The following F5 variants were observed in gnomAD, a reference collection of about 807,000 sequenced individuals.
F5 encodes activated protein c cofactor.
In F5, 138 loss-of-function variants were observed where a neutral mutation model predicts 216.4. The observed-to-expected ratio is 0.64, with a 90% CI of 0.56 to 0.73. F5 has a LOEUF of 0.73. Ranked by LOEUF, F5 falls within the 30% of genes least tolerant of loss-of-function variation. The pLI is 0.00. For missense variants in F5, 2,403 were observed against 2,674.0 expected (o/e 0.90, Z 2.24); for synonymous variants, 916 against 930.7 (o/e 0.98, Z 0.29).
chr1:169,525,736 C>G (rs1185445117), intron 18 of F5, among the ~76,000 whole-genome samples, 165 bp downstream of exon 18: 2 of 152,140 alleles, frequency 1.3e-5, no homozygotes, highest in Admixed American at 6.6e-5. Flanking sequence ...GATGTGTTTT[C>G]AATGCAATCA....
chr1:169,518,677 A>C, intron 22 of F5, 114 bp from the exon 23 acceptor site: 1 of 1,149,888 alleles, frequency 8.7e-7, no homozygotes. Flanking sequence ...AAAAACAATA[A>C]CCACAACAAT....
intron 3 of F5, among the ~76,000 whole-genome samples, chr1:169,565,999 A>G (rs1291669883): frequency 6.6e-6 from 1 of 152,148 alleles, no homozygotes; most frequent in East Asian, 1.9e-4. Context: ...AAGTTTATGG[A>G]GAAAGTCTCC....
intron 2 of F5, 46 bp from the exon 3 acceptor site, chr1:169,572,389 A>G: frequency 6.2e-7 from 1 of 1,609,570 alleles, no homozygotes; most frequent in Non-Finnish European, 8.5e-7. Context: ...AGGGTCATCA[A>G]AGGCAGAGTT....
chr1:169,527,616 A>T (rs543742291), intron 17 of F5, among the ~76,000 whole-genome samples: 4 of 152,266 alleles, frequency 2.6e-5, no homozygotes, highest in Non-Finnish European at 5.9e-5. Flanking sequence ...TCATTTTTTC[A>T]TCTGCTTAAG....
Position 169,560,555 on chromosome 1 carries a change from T to G in F5, c.585A>C (p.Lys195Asn). The G allele has an allele frequency of 1.2e-6, 2 of 1,613,328 alleles. No homozygotes were observed. Among genetic ancestry groups the G allele is most frequent in the African/African-American group, 1.3e-5 (1 of 74,950 alleles). Residue 195 changes from lysine to asparagine, a missense_variant and splice_region_variant, in exon 4 of 25, where the codon AAA becomes AAC. Lys to Asn is a moderately conservative substitution (Grantham distance 94). Coordinates refer to ENST00000367797, the MANE Select transcript of F5 (RefSeq NM_000130.5). ...GLIGPLLICK[K>N]GTLTEGGTQK... ...ATCTTTTGGTGGGGGTGTTCTTACC[T>G]TTTTTACAGATAAGCAGGGGCCCAA...
intron 3 of F5, 41 bp from the exon 4 acceptor site, chr1:169,560,807 G>C (rs1404124439): frequency 6.3e-7 from 1 of 1,594,238 alleles, no homozygotes; most frequent in Non-Finnish European, 8.6e-7. Flanking sequence ...GGCAGTTTCT[G>C]AGGATTGCGT....
Position 169,546,494 on chromosome 1 carries a change from A to C in F5, c.1710T>G (p.Pro570=), listed in dbSNP as rs1660004775. 3 of 1,614,172 alleles carry C rather than the reference A, an allele frequency of 1.9e-6. No individual in the cohort carries two copies. Among genetic ancestry groups the C allele is most frequent in the Non-Finnish European group, 1.7e-6 (2 of 1,180,002 alleles). ...EDNINKFCEN[P]DEVKRDDPKF... The stretch of plus-strand genomic sequence containing the variant: ...TGGGGTCATCACGTTTCACCTCATC[A>C]GGATTTTCACAAAACTTGTTGATGT... The change falls in exon 11 of 25, where the codon CCT becomes CCG. Residue 570 remains proline, a synonymous_variant. Transcript: ENST00000367797.
chr1:169,519,802 C>T (rs181531736), intron 22 of F5, among the ~76,000 whole-genome samples: 6 of 152,266 alleles, frequency 3.9e-5, no homozygotes, highest in African/African-American at 1.4e-4. Flanking sequence ...ATTCTTTTAC[C>T]TCAGAATGCC....
chr1:169,571,671 G>A lies in F5; in HGVS notation c.373+550C>T, dbSNP rs538441128. Among the ~76,000 whole-genome samples the A allele has an allele frequency of 2.6e-5, 4 of 152,148 alleles. No homozygotes were observed. In the East Asian group the frequency reaches 7.7e-4, roughly 29 times the overall value. Reference sequence around the variant, plus strand: ...CAAACCCAACCAATTTCCTGTTTTTGTAAATAAAATTGTATTGTCAGAGGC... The same window carrying A: ...CAAACCCAACCAATTTCCTGTTTTTATAAATAAAATTGTATTGTCAGAGGC... On this transcript the variant is annotated intron_variant, in intron 3 of 24. Coordinates refer to ENST00000367797, the MANE Select transcript of F5 (RefSeq NM_000130.5).
intron 10 of F5, among the ~76,000 whole-genome samples, chr1:169,548,968 T>G (rs1240068855): frequency 6.6e-6 from 1 of 152,022 alleles, no homozygotes; most frequent in Non-Finnish European, 1.5e-5. Flanking sequence ...CCTTTCAACA[T>G]GAATGATTGA....
chr1:169,547,201 C>T (rs1209200237), intron 10 of F5, among the ~76,000 whole-genome samples: 2 of 151,786 alleles, frequency 1.3e-5, no homozygotes, highest in Non-Finnish European at 1.5e-5. Context: ...AAAACAACAA[C>T]AACACACTTA....
chr1:169,532,643 C>A (rs1317135751), intron 14 of F5, among the ~76,000 whole-genome samples: 2 of 152,016 alleles, frequency 1.3e-5, no homozygotes, highest in African/African-American at 4.8e-5. Context: ...CACACACATA[C>A]AAAATACCTA....
rs1659135459 is a variant in F5 at position 169,515,438 on chromosome 1, C to G, written c.6528+6G>C. 6.2e-7 allele frequency: 1 copy of G among 1,612,892 alleles called. No individual in the cohort carries two copies. The highest frequency in any genetic ancestry group is 1.7e-5 in the Admixed American group (1 of 59,962). Reference sequence around the variant, plus strand: ...TTGCTTTCTCTTTGCCCAGATGCCACTCTACCTTGTCCACCATGGAGGATT... The same window carrying G: ...TTGCTTTCTCTTTGCCCAGATGCCAGTCTACCTTGTCCACCATGGAGGATT... On this transcript the variant is annotated splice_donor_region_variant and intron_variant, in intron 24 of 24. Transcript: ENST00000367797.
At chr1:169,538,743 A>C (rs1659763723) in intron 13 of F5, among the ~76,000 whole-genome samples, 1 of 152,190 alleles carries the variant, frequency 6.6e-6, no homozygotes, top group Admixed American at 6.5e-5. Flanking sequence ...TGACAAAATT[A>C]TAGAAATGGA....
intron 14 of F5, among the ~76,000 whole-genome samples, chr1:169,534,878 C>G (rs1013513683): frequency 6.6e-6 from 1 of 152,050 alleles, no homozygotes; most frequent in Non-Finnish European, 1.5e-5. Context: ...ACGTCCTTTG[C>G]AACAACATGG....
chr1:169,542,751 G>A lies in F5; in HGVS notation c.2339C>T (p.Pro780Leu), dbSNP rs200146772. The change falls in exon 13 of 25, where the codon CCA becomes CTA. Residue 780 changes from proline (P) to leucine (L), a missense_variant. Around this residue, in one of 4 missense-constraint regions of F5, gnomAD observed 1,425 missense variants for 1,554.8 expected, o/e 0.92. Transcript: ENST00000367797. The part of the protein sequence containing the change: ...DIIVGSNYSS[P>L]SNISKFTVNN... ...GACAGTGAACTTACTAATATTACTT[G>A]GGGAAGAATAATTTGAACCAACAAT... 1.2e-4 allele frequency: 191 copies of A among 1,614,086 alleles called. 1 individual carries two copies. The highest frequency in any genetic ancestry group is 5.5e-5 in the Non-Finnish European group (65 of 1,179,978).
At chr1:169,520,056 A>T (rs1483901068) in intron 22 of F5, among the ~76,000 whole-genome samples, 1 of 152,212 alleles carries the variant, frequency 6.6e-6, no homozygotes, top group Non-Finnish European at 1.5e-5. Context: ...AAATATAAAG[A>T]AGAATTGTGG....
At position 169,577,010 on chromosome 1, in the gene F5, T is replaced by A. The variant is rs140743196; in HGVS notation, c.251-4667A>T. 1.7e-3 allele frequency among the ~76,000 whole-genome samples: 252 copies of A among 152,298 alleles called. 1 individual carries two copies. The highest frequency in any genetic ancestry group is 5.7e-3 in the Admixed American group (87 of 15,294). ...GTTTTCATAAATGCATACCAAATAC[T>A]TTCACGCATGTAGGAAAACACATGG... On this transcript the variant is annotated intron_variant, in intron 2 of 24. Transcript: ENST00000367797.
chr1:169,564,202 T>C (rs1475583716), intron 3 of F5, among the ~76,000 whole-genome samples: 1 of 152,098 alleles, frequency 6.6e-6, no homozygotes, highest in Non-Finnish European at 1.5e-5. Flanking sequence ...CTGTTCCACC[T>C]GTTCCTTTCA....
Sources: allele counts gnomAD v4.1 joint callset (sites outside exome capture counted in the v4.1 genomes callset), GRCh38; gene constraint gnomAD v4.1.1; regional missense constraint gnomAD v4.1.1; transcripts MANE v1.5; gene names NCBI Gene and HGNC (gene_info 2026-07-23, HGNC 2026-07-21).